ACOX3: variants seen among roughly 807,000 people sequenced by gnomAD.
ACOX3 encodes acyl-CoA oxidase 3, pristanoyl.
A neutral mutation model predicts 81.5 loss-of-function variants in ACOX3; 73 were observed. The ratio of observed to expected loss-of-function variants is 0.90; its 90% confidence interval spans 0.74 to 1.09. ACOX3 has a LOEUF of 1.09. ACOX3 is among the 50% of genes least tolerant of loss of function. The pLI, the probability that ACOX3 is intolerant of heterozygous loss-of-function variation, is 0.00. For synonymous variants in ACOX3, 387 were observed against 375.1 expected, an observed-to-expected ratio of 1.03 and a Z score of -0.37; for missense variants, 947 against 928.0, an observed-to-expected ratio of 1.02 and a Z score of -0.27.
At chr4:8,413,234 G>A (rs1378792994) in intron 5 of ACOX3, among the ~76,000 whole-genome samples, 1 of 126,622 alleles carries the variant, frequency 7.9e-6, no homozygotes, top group South Asian at 2.6e-4. Flanking sequence ...GCATCCATCT[G>A]TGGCCCATCT....
At position 8,423,328 on chromosome 4, in the gene ACOX3, G is replaced by A. The variant is rs1265955273; in HGVS notation, c.-14-6793C>T. On this transcript the variant is annotated intron_variant, in intron 1 of 17. Coordinates refer to ENST00000356406, the MANE Select transcript of ACOX3 (RefSeq NM_003501.3). This position sits in a 1 kb window ranked among gnomAD's most constrained non-coding sequence, Gnocchi z 4.2. The stretch of plus-strand genomic sequence containing the variant: ...ACCTGAACATGGGAGAAGGAACACC[G>A]TTTGCTGTCCCCTACTTGAGGAAGG... 2.0e-5 allele frequency among the ~76,000 whole-genome samples: 3 copies of A among 152,108 alleles called. No individual in the cohort carries two copies. Among genetic ancestry groups the A allele is most frequent in the East Asian group, 1.9e-4 (1 of 5,186 alleles).
intron 5 of ACOX3, among the ~76,000 whole-genome samples, chr4:8,412,515 G>A (rs779726736): frequency 1.3e-5 from 2 of 151,586 alleles, no homozygotes; most frequent in African/African-American, 2.4e-5. Context: ...TGGATGGAAG[G>A]ATGAATGGAT....
At chr4:8,390,051 C>G (rs879925398) in intron 11 of ACOX3, among the ~76,000 whole-genome samples, 2 of 142,798 alleles carry the variant, frequency 1.4e-5, no homozygotes, top group Non-Finnish European at 3.0e-5. Context: ...TGCAGTGAGC[C>G]GAGATTGCGC....
Position 8,373,618 on chromosome 4 carries a change from G to T in ACOX3, c.1839C>A (p.Phe613Leu), listed in dbSNP as rs760860897. The T allele has an allele frequency of 2.7e-5, 43 of 1,612,314 alleles. No homozygotes were observed. Among genetic ancestry groups the T allele is most frequent in the Non-Finnish European group, 3.6e-5 (43 of 1,179,318 alleles). Reference protein sequence around the residue: ...HAALLYRGGYFSGEQAGEVLE... With the variant: ...HAALLYRGGYLSGEQAGEVLE... ...ACACTTCTCCCGCCTGCTCACCGGAGAAGTATCCTCCTGCAAGCACAGCCT... is the reference window on the plus strand; with the variant it reads ...ACACTTCTCCCGCCTGCTCACCGGATAAGTATCCTCCTGCAAGCACAGCCT... The change falls in exon 16 of 18, where the codon TTC becomes TTA. Residue 613 changes from phenylalanine to leucine, a missense_variant. By Grantham distance (22) the Phe-to-Leu change is conservative. Coordinates refer to ENST00000356406, the MANE Select transcript of ACOX3 (RefSeq NM_003501.3).
intron 7 of ACOX3, among the ~76,000 whole-genome samples, chr4:8,402,002 T>C (rs533608108): frequency 1.3e-5 from 2 of 152,150 alleles, no homozygotes; most frequent in African/African-American, 4.8e-5. Flanking sequence ...CCCCCCTCCA[T>C]GAGGGGGCCA....
Position 8,389,087 on chromosome 4 carries a change from G to A in ACOX3, c.1537+86C>T, listed in dbSNP as rs886746353. The A allele has an allele frequency of 4.5e-6, 5 of 1,118,832 alleles. No individual in the cohort carries two copies. Among genetic ancestry groups the A allele is most frequent in the Non-Finnish European group, 6.6e-6 (5 of 756,504 alleles). The allele number at this position is 1,118,832 out of a possible 1,614,324, so 69.3% of individuals were successfully genotyped here. On this transcript the variant is annotated intron_variant, in intron 13 of 17. Coordinates refer to ENST00000356406, the MANE Select transcript of ACOX3 (RefSeq NM_003501.3). The surrounding 1 kb of genome is among the most constrained non-coding windows in gnomAD (Gnocchi z 5.3). ...TGCTGCCCCGGCTGGAACTGCCAAG[G>A]GTCCCCTCACCGAGGCACGGTGCGT... is the stretch of plus-strand genomic sequence containing the variant.
intron 1 of ACOX3, among the ~76,000 whole-genome samples, chr4:8,427,934 T>C (rs956849228): frequency 6.6e-6 from 1 of 152,244 alleles, no homozygotes; most frequent in Non-Finnish European, 1.5e-5. Context: ...CTGAGGCTAC[T>C]GTCATCCAAA....
chr4:8,396,795 C>T, intron 9 of ACOX3, 142 bp downstream of exon 9: 1 of 948,846 alleles, frequency 1.1e-6, no homozygotes, highest in Non-Finnish European at 1.5e-6. Context: ...GCCTGAGATG[C>T]CGCACTCCCG....
At chr4:8,398,542 T>C (rs1228712522) in intron 8 of ACOX3, among the ~76,000 whole-genome samples, 2 of 152,190 alleles carry the variant, frequency 1.3e-5, no homozygotes, top group African/African-American at 2.4e-5. Flanking sequence ...AGTGCAGTGA[T>C]GCAATCATAG....
intron 3 of ACOX3, among the ~76,000 whole-genome samples, 197 bp downstream of exon 3, chr4:8,415,569 G>A (rs1722234675): frequency 6.6e-6 from 1 of 151,510 alleles, no homozygotes; most frequent in Non-Finnish European, 1.5e-5. Flanking sequence ...GATGGTGGAT[G>A]GGCTTGAAAA....
chr4:8,371,130 C>T (rs1224275141), intron 16 of ACOX3, 136 bp from the exon 17 acceptor site: 10 of 704,804 alleles, frequency 1.4e-5, no homozygotes, highest in Non-Finnish European at 2.5e-5. Context: ...CTCTGCTGCC[C>T]ATGCGTGATC....
chr4:8,389,752 T>G lies in ACOX3; in HGVS notation c.1301-18A>C. 1 of 1,612,904 alleles carries G rather than the reference T, an allele frequency of 6.2e-7. No homozygotes were observed. Among genetic ancestry groups the G allele is most frequent in the Non-Finnish European group, 8.5e-7 (1 of 1,179,518 alleles). On this transcript the variant is annotated intron_variant, in intron 11 of 17. Transcript: ENST00000356406. This position sits in a 1 kb window ranked among gnomAD's most constrained non-coding sequence, Gnocchi z 5.3. Reference sequence around the variant, plus strand: ...CCGGTTCACTGCAACAAAGCCACAATAGTACCATCATTTAAGACGCATATT... The same window carrying G: ...CCGGTTCACTGCAACAAAGCCACAAGAGTACCATCATTTAAGACGCATATT...
Position 8,416,404 on chromosome 4 carries a change from C to A in ACOX3, c.118G>T (p.Glu40Ter). ...TTAAAGCGGAGCATGCCCTCCCCTT[C>A]CGTGAACAGCGCCAGCTCCTTCCAG... is the stretch of plus-strand genomic sequence containing the variant. ...FSWKELALFTEGEGMLRFKKT... is the reference protein window; with the variant it reads ...FSWKELALFT Residue 40 changes from glutamate (E) to a stop codon, truncating the protein, a stop_gained, in exon 2 of 18, where the codon GAA (glutamate) becomes TAA (stop). Coordinates refer to ENST00000356406, the MANE Select transcript of ACOX3 (RefSeq NM_003501.3). LOFTEE classifies it high-confidence loss of function. This position sits in a 1 kb window ranked among gnomAD's most constrained non-coding sequence, Gnocchi z 4.2. The A allele has an allele frequency of 6.2e-7, 1 of 1,614,208 alleles. No homozygotes were observed. The highest frequency in any genetic ancestry group is 8.5e-7 in the Non-Finnish European group (1 of 1,180,036).
Position 8,419,593 on chromosome 4 carries a change from G to A in ACOX3, c.-14-3058C>T, listed in dbSNP as rs1722719255. ...AGTTCCACAAGTGATTAAACATGGA[G>A]TGACCACATGACTCAGCAATTCCAC... is the stretch of plus-strand genomic sequence containing the variant. On this transcript the variant is annotated intron_variant, in intron 1 of 17. Transcript: ENST00000356406. The surrounding 1 kb of genome is among the most constrained non-coding windows in gnomAD (Gnocchi z 4.2). Among the ~76,000 whole-genome samples the A allele has an allele frequency of 6.6e-6, 1 of 152,158 alleles. No homozygotes were observed. Among genetic ancestry groups the A allele is most frequent in the African/African-American group, 2.4e-5 (1 of 41,416 alleles).
In ACOX3 at chr4:8,419,314, T is replaced by C. The variant is rs993152533; in HGVS notation, c.-14-2779A>G. ...AGCCGGGCATGGTGGCAGGTGCCTA[T>C]AGTCCCAGCTACTTGGGAGGCTGAG... On this transcript the variant is annotated intron_variant, in intron 1 of 17. Transcript: ENST00000356406. This position sits in a 1 kb window ranked among gnomAD's most constrained non-coding sequence, Gnocchi z 4.2. 8.6e-5 allele frequency among the ~76,000 whole-genome samples: 13 copies of C among 151,810 alleles called. 1 individual carries two copies. The highest frequency in any genetic ancestry group is 1.6e-4 in the Non-Finnish European group (11 of 67,984).
chr4:8,373,592 A>AACACTTC lies in ACOX3; in HGVS notation c.1858_1864dup (p.Leu622Ter). ...ACACAAAGCCAGGACGGCGCTCTCC[A>AACACTTC]ACACTTCTCCCGCCTGCTCACCGGA... On this transcript the variant is annotated stop_gained and frameshift_variant, in exon 16 of 18. Transcript: ENST00000356406. LOFTEE classifies it high-confidence loss of function. 1 of 1,613,710 alleles carries AACACTTC rather than the reference A, an allele frequency of 6.2e-7. No individual in the cohort carries two copies.
rs1718090805 is a variant in ACOX3, at chr4:8,384,679, C to T, written c.1538-3072G>A. On this transcript the variant is annotated intron_variant, in intron 13 of 17. Coordinates refer to ENST00000356406, the MANE Select transcript of ACOX3 (RefSeq NM_003501.3). The surrounding 1 kb of genome is among the most constrained non-coding windows in gnomAD (Gnocchi z 5.3). ...CCCCATGGTGAGCTCTTCGCATGCACTGCCTGCCTTTCGGGTCTCGGTTTC... is the reference window on the plus strand; with the variant it reads ...CCCCATGGTGAGCTCTTCGCATGCATTGCCTGCCTTTCGGGTCTCGGTTTC... 6.6e-6 allele frequency among the ~76,000 whole-genome samples: 1 copy of T among 152,204 alleles called. No individual in the cohort carries two copies. The highest frequency in any genetic ancestry group is 1.5e-5 in the Non-Finnish European group (1 of 68,038).
chr4:8,401,005 G>A (rs981867673), intron 7 of ACOX3, among the ~76,000 whole-genome samples: 3 of 151,898 alleles, frequency 2.0e-5, no homozygotes, highest in Non-Finnish European at 4.4e-5. Context: ...CCATCTGGGG[G>A]TGATGGGAGG....
At chr4:8,424,827 C>A (rs927603870) in intron 1 of ACOX3, among the ~76,000 whole-genome samples, 10 of 152,210 alleles carry the variant, frequency 6.6e-5, no homozygotes, top group Non-Finnish European at 1.0e-4. Context: ...ATCCCGACCT[C>A]AACTTGTATA....
Sources: allele counts gnomAD v4.1 joint callset (sites outside exome capture counted in the v4.1 genomes callset), GRCh38; gene constraint gnomAD v4.1.1; non-coding constraint Gnocchi (gnomAD v3.1); transcripts MANE v1.5; gene names NCBI Gene and HGNC (gene_info 2026-07-23, HGNC 2026-07-21).